FIRRM: variants seen among roughly 807,000 people sequenced by gnomAD.
FIRRM encodes the protein FIGNL1 interacting regulator of recombination and mitosis, also known as FIGNL1-interacting regulator of recombination and mitosis.
the FIRRM span, among the ~76,000 whole-genome samples, chr1:169,836,156 AAATACACT>A: frequency 5.3e-5 from 8 of 152,068 alleles, no homozygotes; most frequent in African/African-American, 1.9e-4. Flanking sequence ...ACTTCTTAGA[AAATACACT>A]AATATACTTC....
At chr1:169,804,250 G>A in the FIRRM span, 1 of 1,465,356 alleles carries the variant, frequency 6.8e-7, no homozygotes, top group African/African-American at 1.4e-5. Flanking sequence ...GGTGAGTGAA[G>A]AAAACTTTCT....
chr1:169,848,470 T>C, the FIRRM span, among the ~76,000 whole-genome samples: 5 of 152,208 alleles, frequency 3.3e-5, no homozygotes, highest in Non-Finnish European at 7.3e-5. Flanking sequence ...ATGAGAACTT[T>C]CTTACATAAT....
the FIRRM span, among the ~76,000 whole-genome samples, chr1:169,822,754 C>T: frequency 6.6e-6 from 1 of 152,018 alleles, no homozygotes; most frequent in African/African-American, 2.4e-5. Flanking sequence ...CCTGCCCTGC[C>T]CTCCCAAAAT....
chr1:169,827,043 C>A, the FIRRM span: 1 of 1,607,468 alleles, frequency 6.2e-7, no homozygotes, highest in South Asian at 1.1e-5. Flanking sequence ...TTTTCTCTCC[C>A]TTCCCAGCAA....
At chr1:169,803,214 A>G in the FIRRM span, 8 of 1,613,998 alleles carry the variant, frequency 5.0e-6, no homozygotes, top group Non-Finnish European at 6.8e-6. Context: ...TGTTCAGCAT[A>G]TCTGTGCCAC....
chr1:169,826,030 A>G, the FIRRM span: 1 of 270,032 alleles, frequency 3.7e-6, no homozygotes, highest in Middle Eastern at 4.4e-4. Context: ...GAAACTGAGT[A>G]TTAATTCATA....
chr1:169,800,997 A>G, the FIRRM span: 1 of 1,197,962 alleles, frequency 8.3e-7, no homozygotes, highest in Non-Finnish European at 1.2e-6. Flanking sequence ...CTGAAAATAC[A>G]TGTTATAAGG....
chr1:169,848,134 T>C, the FIRRM span, among the ~76,000 whole-genome samples: 2 of 152,172 alleles, frequency 1.3e-5, no homozygotes, highest in African/African-American at 2.4e-5. Context: ...AATTTGGTAA[T>C]TTATTAAAGT....
the FIRRM span, chr1:169,827,869 T>C: frequency 1.2e-6 from 2 of 1,609,660 alleles, no homozygotes; most frequent in Admixed American, 3.3e-5. Flanking sequence ...TCCAGTCATA[T>C]TACCAATGGT....
the FIRRM span, among the ~76,000 whole-genome samples, chr1:169,820,791 A>G: frequency 5.3e-5 from 8 of 152,284 alleles, no homozygotes; most frequent in Non-Finnish European, 1.2e-4. Context: ...TTGTCCCTAC[A>G]GGGTTTGCCA....
chr1:169,816,196 T>G, the FIRRM span, among the ~76,000 whole-genome samples: 2 of 89,128 alleles, frequency 2.2e-5, no homozygotes, highest in Non-Finnish European at 4.4e-5. Context: ...AAGAAGGCTT[T>G]CCATGAACTG....
At chr1:169,825,197 G>A in the FIRRM span, among the ~76,000 whole-genome samples, 24 of 151,992 alleles carry the variant, frequency 1.6e-4, no homozygotes, top group Non-Finnish European at 2.8e-4. Context: ...TCTTTGCCTC[G>A]CGCTAGTTTG....
chr1:169,794,669 T>C, the FIRRM span: 1 of 162,508 alleles, frequency 6.2e-6, no homozygotes, highest in African/African-American at 2.4e-5. Flanking sequence ...GTCCCGCGGC[T>C]AGGAACGCGC....
At chr1:169,818,562 A>C in the FIRRM span, among the ~76,000 whole-genome samples, 7 of 152,228 alleles carry the variant, frequency 4.6e-5, no homozygotes, top group Non-Finnish European at 8.8e-5. Flanking sequence ...TTTCTGACAA[A>C]ATATTTAAGT....
the FIRRM span, among the ~76,000 whole-genome samples, chr1:169,824,788 G>A: frequency 2.0e-5 from 3 of 152,250 alleles, no homozygotes; most frequent in South Asian, 6.2e-4. Flanking sequence ...CTCCTTAGCA[G>A]GTTTCTCTTC....
chr1:169,792,595 A>T, the FIRRM span: 1 of 1,551,294 alleles, frequency 6.4e-7, no homozygotes. Context: ...GAAACTTAAA[A>T]GTTATTTCAA....
At chr1:169,812,702 C>T in the FIRRM span, among the ~76,000 whole-genome samples, 5 of 151,898 alleles carry the variant, frequency 3.3e-5, no homozygotes, top group African/African-American at 1.2e-4. Context: ...ACTAAAAATA[C>T]AAAAATTAGC....
the FIRRM span, among the ~76,000 whole-genome samples, chr1:169,847,385 G>GCTTTTTTTT: frequency 6.9e-6 from 1 of 145,052 alleles, no homozygotes; most frequent in Non-Finnish European, 1.5e-5. Flanking sequence ...ATAAAATACT[G>GCTTTTTTTT]TTTGTACAAA....
At chr1:169,807,995 A>C in the FIRRM span, 1,040 of 1,421,362 alleles carry the variant, frequency 7.3e-4, no homozygotes, top group Non-Finnish European at 8.7e-4. Flanking sequence ...AGTAAATCTC[A>C]TTTGAATGTC....
Sources: gnomAD v4.1 joint callset for allele counts (sites outside exome capture counted in the v4.1 genomes callset) on GRCh38, gnomAD v4.1.1 for gene constraint, MANE v1.5 for transcripts, NCBI Gene and HGNC (gene_info 2026-07-23, HGNC 2026-07-21) for gene names.